PTPN12: variants seen among roughly 807,000 people sequenced by gnomAD.
PTPN12 encodes the protein tyrosine-protein phosphatase non-receptor type 12.
In PTPN12, 29 loss-of-function variants were observed where a neutral mutation model predicts 97.6. The ratio of observed to expected loss-of-function variants is 0.30; its 90% confidence interval spans 0.22 to 0.41. The LOEUF is 0.41. Ranked by LOEUF, PTPN12 falls within the 10% of genes least tolerant of loss-of-function variation. The pLI is 1.00. For synonymous variants in PTPN12, 327 were observed against 300.4 expected (o/e 1.09, Z -0.91); for missense variants, 819 against 926.0 (o/e 0.88, Z 1.50).
intron 2 of PTPN12, among the ~76,000 whole-genome samples, chr7:77,578,873 C>G (rs1787419863): frequency 6.6e-6 from 1 of 152,086 alleles, no homozygotes; most frequent in African/African-American, 2.4e-5. Context: ...TACTTACTAA[C>G]TATAAAAGGG....
At chr7:77,576,749 C>T (rs1787355906) in intron 2 of PTPN12, among the ~76,000 whole-genome samples, 1 of 152,320 alleles carries the variant, frequency 6.6e-6, no homozygotes, top group Admixed American at 6.5e-5. Flanking sequence ...CAAGTTCTTT[C>T]TCGCTACTTC....
chr7:77,581,038 TTTTTG>T lies in PTPN12; in HGVS notation c.209-364_209-360del, dbSNP rs140098952. 1.8e-3 allele frequency among the ~76,000 whole-genome samples: 278 copies of T among 152,030 alleles called. 2 individuals carry two copies. Among genetic ancestry groups the T allele is most frequent in the African/African-American group, 6.2e-3 (256 of 41,502 alleles). On this transcript the variant is annotated intron_variant, in intron 2 of 17. Transcript: ENST00000248594. ...GCTTTACGTCACTGGTGGTGGTGTT[TTTTTG>T]TTTTGTTTTGTTTTGTTTTGTTTTT...
intron 1 of PTPN12, among the ~76,000 whole-genome samples, chr7:77,556,295 T>G (rs1807709185): frequency 6.6e-6 from 1 of 152,082 alleles, no homozygotes; most frequent in Non-Finnish European, 1.5e-5. Flanking sequence ...ACTCCTGGGC[T>G]GAAGAGACCT....
intron 6 of PTPN12, among the ~76,000 whole-genome samples, chr7:77,595,023 G>T (rs1330546416): frequency 6.6e-6 from 1 of 152,062 alleles, no homozygotes; most frequent in Non-Finnish European, 1.5e-5. Flanking sequence ...AAACTAAAAG[G>T]TATATCTCTA....
At chr7:77,637,471 A>G (rs1237132389) in intron 16 of PTPN12, among the ~76,000 whole-genome samples, 1 of 152,210 alleles carries the variant, frequency 6.6e-6, no homozygotes, top group Non-Finnish European at 1.5e-5. Flanking sequence ...GAAAGAATGA[A>G]TGAATTTTAG....
chr7:77,595,204 AT>A (rs1286201094), intron 6 of PTPN12, among the ~76,000 whole-genome samples: 1 of 152,216 alleles, frequency 6.6e-6, no homozygotes, highest in Non-Finnish European at 1.5e-5. Context: ...TTCTTTGATA[AT>A]TTTAAAATGG....
intron 12 of PTPN12, among the ~76,000 whole-genome samples, chr7:77,624,855 G>A (rs1789077519): frequency 6.6e-6 from 1 of 151,928 alleles, no homozygotes; most frequent in South Asian, 2.1e-4. Context: ...ACTCTGAGGT[G>A]GGGTCCAGTG....
intron 9 of PTPN12, among the ~76,000 whole-genome samples, chr7:77,609,572 G>A (rs1707742789): frequency 1.3e-5 from 2 of 149,770 alleles, no homozygotes; most frequent in South Asian, 4.6e-4. Flanking sequence ...ACCCGGCCTA[G>A]TTGTTAAGTC....
intron 1 of PTPN12, among the ~76,000 whole-genome samples, chr7:77,565,995 T>C (rs1047551493): frequency 6.6e-6 from 1 of 152,206 alleles, no homozygotes; most frequent in African/African-American, 2.4e-5. Context: ...AGAAATACTT[T>C]TCACAAGTGG....
intron 7 of PTPN12, among the ~76,000 whole-genome samples, chr7:77,599,150 T>C (rs993155631): frequency 1.3e-4 from 20 of 151,950 alleles, no homozygotes; most frequent in Non-Finnish European, 2.4e-4. Flanking sequence ...ATACCTTCTT[T>C]GCAGCAAATA....
intron 8 of PTPN12, among the ~76,000 whole-genome samples, chr7:77,604,178 G>A (rs893533418): frequency 4.5e-5 from 6 of 134,014 alleles, no homozygotes; most frequent in African/African-American, 1.7e-4. Flanking sequence ...GTGAGCCACG[G>A]TTCCCAGCCT....
intron 2 of PTPN12, among the ~76,000 whole-genome samples, chr7:77,575,597 G>C (rs1195661635): frequency 6.6e-6 from 1 of 152,118 alleles, no homozygotes; most frequent in African/African-American, 2.4e-5. Flanking sequence ...TTTAAAACAG[G>C]TTTGAGGTAT....
In PTPN12 at chr7:77,627,636, C is replaced by G; in HGVS notation, c.1957C>G (p.His653Asp). The part of the protein sequence containing the change: ...RKVLPMSIAR[H>D]NIAGTTHSGA... ...AGTATTGCCAATGTCCATTGCTAGA[C>G]ATAATATAGCAGGAACAACACATTC... The change falls in exon 13 of 18, where the codon CAT (histidine) becomes GAT (aspartate). Residue 653 changes from histidine (H) to aspartate (D), a missense_variant. Transcript: ENST00000248594. 1.2e-6 allele frequency: 2 copies of G among 1,600,068 alleles called. No homozygotes were observed. The highest frequency in any genetic ancestry group is 1.7e-4 in the Middle Eastern group (1 of 5,990).
intron 12 of PTPN12, among the ~76,000 whole-genome samples, chr7:77,625,487 C>CTCTCTCTCTCTT (rs1789120907): frequency 1.0e-5 from 1 of 97,774 alleles, no homozygotes; most frequent in Non-Finnish European, 2.1e-5. Flanking sequence ...CTCTCTCTCT[C>CTCTCTCTCTCTT]TCTCTCTCTC....
Position 77,631,381 on chromosome 7 carries a change from A to T in PTPN12, c.1997-967A>T, listed in dbSNP as rs114563066. Among the ~76,000 whole-genome samples the T allele has an allele frequency of 1.3e-3, 204 of 152,346 alleles. 2 individuals carry two copies. Among genetic ancestry groups the T allele is most frequent in the African/African-American group, 4.6e-3 (190 of 41,592 alleles). On this transcript the variant is annotated intron_variant, in intron 13 of 17. Coordinates refer to ENST00000248594, the MANE Select transcript of PTPN12 (RefSeq NM_002835.4). Reference sequence around the variant, plus strand: ...AAATTGACAAGACCTATGCATAGCCATCAGGTGTGGTAAAATAGCAGAGTA... The same window carrying T: ...AAATTGACAAGACCTATGCATAGCCTTCAGGTGTGGTAAAATAGCAGAGTA...
At chr7:77,546,642 G>A (rs934433435) in intron 1 of PTPN12, among the ~76,000 whole-genome samples, 3 of 152,212 alleles carry the variant, frequency 2.0e-5, no homozygotes, top group African/African-American at 4.8e-5. Context: ...TTTGGAGAAA[G>A]TGGAGTGTGG....
At chr7:77,553,581 C>T (rs1807570911) in intron 1 of PTPN12, among the ~76,000 whole-genome samples, 1 of 152,172 alleles carries the variant, frequency 6.6e-6, no homozygotes. Flanking sequence ...ATGAAATCTG[C>T]TTTATCTGAA....
At chr7:77,584,799 C>T (rs1437989505) in intron 4 of PTPN12, among the ~76,000 whole-genome samples, 3 of 151,934 alleles carry the variant, frequency 2.0e-5, no homozygotes, top group Non-Finnish European at 4.4e-5. Context: ...ATGGCGTGAA[C>T]CCGGGAGGCA....
At chr7:77,615,703 C>CAT (rs1788728404) in intron 11 of PTPN12, among the ~76,000 whole-genome samples, 1 of 152,194 alleles carries the variant, frequency 6.6e-6, no homozygotes, top group Non-Finnish European at 1.5e-5. Context: ...GAGGTATGAT[C>CAT]ATGCCACTGC....
Sources: allele counts gnomAD v4.1 joint callset (sites outside exome capture counted in the v4.1 genomes callset), GRCh38; gene constraint gnomAD v4.1.1; transcripts MANE v1.5; gene names NCBI Gene and HGNC (gene_info 2026-07-23, HGNC 2026-07-21).